ACVR1C: variants seen among roughly 807,000 people sequenced by gnomAD.
The protein encoded by ACVR1C is activin A receptor type 1C, also known as activin receptor type-1C.
Under a neutral mutation model 57.9 loss-of-function variants are expected in ACVR1C, and 23 were observed. That is an observed-to-expected ratio of 0.40 (90% confidence interval 0.29 to 0.56). The LOEUF (loss-of-function observed/expected upper bound fraction) is 0.56, where lower values mean the gene tolerates loss of function less well. Ranked by LOEUF, ACVR1C falls within the 20% of genes least tolerant of loss-of-function variation. ACVR1C has a pLI of 0.50. For missense variants in ACVR1C, 480 were observed against 607.9 expected (o/e 0.79, Z 2.21); for synonymous variants, 214 against 215.3 (o/e 0.99, Z 0.05).
chr2:157,577,590 G>A (rs1558984486), intron 2 of ACVR1C, among the ~76,000 whole-genome samples: 1 of 151,954 alleles, frequency 6.6e-6, no homozygotes, highest in Non-Finnish European at 1.5e-5. Context: ...ACTTTTGTTT[G>A]TTTAATATAT....
chr2:157,546,422 C>T (rs1004882959), intron 4 of ACVR1C, among the ~76,000 whole-genome samples: 1 of 152,130 alleles, frequency 6.6e-6, no homozygotes, highest in Non-Finnish European at 1.5e-5. Context: ...AAATGCTAAG[C>T]CTCTCTTTTT....
At position 157,530,494 on chromosome 2, in the gene ACVR1C, T is replaced by C. The variant is rs1309354236; in HGVS notation, c.*3424A>G. 1.3e-5 allele frequency: 2 copies of C among 152,152 alleles called. No homozygotes were observed. The highest frequency in any genetic ancestry group is 2.9e-5 in the Non-Finnish European group (2 of 67,996). 9.4% of individuals were successfully genotyped at this position (152,152 alleles called of 1,614,324 possible). ...AATTCCAGGAAAATAGGAGTAGTTT[T>C]GTTTTGTTTTATTAGTAATTCTACA... On this transcript the variant is annotated 3_prime_UTR_variant, in exon 9 of 9. Coordinates refer to ENST00000243349, the MANE Select transcript of ACVR1C (RefSeq NM_145259.3).
chr2:157,609,018 TG>T, intron 1 of ACVR1C, among the ~76,000 whole-genome samples: 1 of 152,046 alleles, frequency 6.6e-6, no homozygotes, highest in South Asian at 2.1e-4. Flanking sequence ...TCTGCTAATT[TG>T]GGGTTTGGTT....
At chr2:157,549,829 CAAAAAAAAAAAA>C (rs1173469291) in intron 4 of ACVR1C, among the ~76,000 whole-genome samples, 1 of 47,544 alleles carries the variant, frequency 2.1e-5, no homozygotes, top group African/African-American at 6.9e-5. Context: ...ACTAAAAATA[CAAAAAAAAAAAA>C]AAAAAAAAAA....
intron 1 of ACVR1C, among the ~76,000 whole-genome samples, chr2:157,622,965 T>C (rs777655732): frequency 2.0e-5 from 3 of 152,188 alleles, no homozygotes; most frequent in Non-Finnish European, 4.4e-5. Flanking sequence ...GAATAGCCTT[T>C]TCCCAAAAGA....
intron 2 of ACVR1C, among the ~76,000 whole-genome samples, chr2:157,584,133 AGAAT>A (rs1400685980): frequency 6.6e-6 from 1 of 152,012 alleles, no homozygotes; most frequent in Admixed American, 6.6e-5. Flanking sequence ...ACTTGTATTC[AGAAT>A]ATATAAAGAA....
chr2:157,596,541 A>T (rs1682123048), intron 1 of ACVR1C, among the ~76,000 whole-genome samples: 2 of 152,278 alleles, frequency 1.3e-5, no homozygotes, highest in African/African-American at 2.4e-5. Context: ...ATAGACATAA[A>T]CTGTGTCTAT....
At chr2:157,554,255 GAA>G (rs1179535079) in intron 3 of ACVR1C, among the ~76,000 whole-genome samples, 5 of 123,768 alleles carry the variant, frequency 4.0e-5, no homozygotes, top group African/African-American at 1.4e-4. Flanking sequence ...AAGAAAGAAA[GAA>G]AGAAAGAAAG....
intron 2 of ACVR1C, among the ~76,000 whole-genome samples, chr2:157,580,139 A>G (rs115337202): frequency 0.016 from 2,506 of 152,174 alleles, 40 homozygotes; most frequent in Non-Finnish European, 0.025. Context: ...TCAAATAGTT[A>G]TCTTTTTCCA....
At chr2:157,588,848 CATATAT>C (rs71402394) in intron 1 of ACVR1C, among the ~76,000 whole-genome samples, 1,020 of 89,088 alleles carry the variant, frequency 0.011, 29 homozygotes, top group African/African-American at 0.034. Context: ...ACAAACACAC[CATATAT>C]ATATATATAT....
chr2:157,561,785 G>A (rs1688234033), intron 2 of ACVR1C, among the ~76,000 whole-genome samples: 1 of 152,166 alleles, frequency 6.6e-6, no homozygotes, highest in South Asian at 2.1e-4. Context: ...TTTGCTAGAT[G>A]TTAATGAGAA....
chr2:157,622,745 C>T (rs1682809174), intron 1 of ACVR1C, among the ~76,000 whole-genome samples: 1 of 152,082 alleles, frequency 6.6e-6, no homozygotes, highest in African/African-American at 2.4e-5. Context: ...CCAAAGCAAA[C>T]ATGGACAAAT....
At chr2:157,621,136 G>A (rs993017183) in intron 1 of ACVR1C, among the ~76,000 whole-genome samples, 1 of 152,148 alleles carries the variant, frequency 6.6e-6, no homozygotes, top group Non-Finnish European at 1.5e-5. Context: ...CATACCTAGT[G>A]AATCACCCAT....
At chr2:157,542,685 T>C (rs775808263) in intron 6 of ACVR1C, 21 bp downstream of exon 6, 1 of 1,607,746 alleles carries the variant, frequency 6.2e-7, no homozygotes, top group Non-Finnish European at 8.5e-7. Context: ...CTTACTATGC[T>C]ACCCAAGTCA....
chr2:157,608,424 A>G (rs1682456212), intron 1 of ACVR1C, among the ~76,000 whole-genome samples: 2 of 151,934 alleles, frequency 1.3e-5, no homozygotes, highest in African/African-American at 4.8e-5. Flanking sequence ...TTTGTTCATC[A>G]GGGATATTGG....
chr2:157,554,211 GA>G (rs1436444710), intron 3 of ACVR1C, among the ~76,000 whole-genome samples: 2 of 68,322 alleles, frequency 2.9e-5, no homozygotes, highest in Non-Finnish European at 5.7e-5. Context: ...GAGAAAGAAA[GA>G]AAGAAAGAAA....
intron 1 of ACVR1C, among the ~76,000 whole-genome samples, chr2:157,621,557 C>G (rs1047023136): frequency 3.3e-5 from 5 of 152,152 alleles, no homozygotes; most frequent in Admixed American, 2.0e-4. Context: ...ACAAGGGGCT[C>G]ATGGTCATGG....
chr2:157,604,342 C>A (rs1682346028), intron 1 of ACVR1C, among the ~76,000 whole-genome samples: 1 of 151,980 alleles, frequency 6.6e-6, no homozygotes, highest in South Asian at 2.1e-4. Context: ...TTGCCTTCTT[C>A]AGAATGTCAA....
At chr2:157,556,706 C>G (rs1688110300) in intron 2 of ACVR1C, among the ~76,000 whole-genome samples, 1 of 144,840 alleles carries the variant, frequency 6.9e-6, no homozygotes, top group African/African-American at 2.6e-5. Context: ...CTCGATCACC[C>G]AGGCTGGAGT....
Sources: allele counts gnomAD v4.1 joint callset (sites outside exome capture counted in the v4.1 genomes callset), GRCh38; gene constraint gnomAD v4.1.1; transcripts MANE v1.5; gene names NCBI Gene and HGNC (gene_info 2026-07-23, HGNC 2026-07-21).